The following ERP27 variants were observed in gnomAD, a reference collection of about 807,000 sequenced individuals.
ERP27 encodes the protein endoplasmic reticulum resident protein 27.
A neutral mutation model predicts 27.7 loss-of-function variants in ERP27; 23 were observed. The observed-to-expected ratio is 0.83, with a 90% CI of 0.60 to 1.18. The LOEUF (loss-of-function observed/expected upper bound fraction) is 1.18, where lower values mean the gene tolerates loss of function less well. Among genes scored for constraint, ERP27 ranks in the 50% most tolerant of loss-of-function variants. The pLI, the probability that ERP27 is intolerant of heterozygous loss-of-function variation, is 0.00. For missense variants in ERP27, 363 were observed against 327.9 expected, an observed-to-expected ratio of 1.11 and a Z score of -0.83; for synonymous variants, 159 against 118.3, an observed-to-expected ratio of 1.34 and a Z score of -2.23.
chr12:14,914,376 AG>A lies in ERP27; in HGVS notation c.*358del. On this transcript the variant is annotated 3_prime_UTR_variant, in exon 7 of 7. Coordinates refer to ENST00000266397, the MANE Select transcript of ERP27 (RefSeq NM_152321.4). ...TGACAAATTGGAACAATCTTTCTCT[AG>A]GAATGCCTCTCTTTCATAGAGGCAT... 3 of 231,920 alleles carry A rather than the reference AG, an allele frequency of 1.3e-5. No homozygotes were observed. The highest frequency in any genetic ancestry group is 2.5e-5 in the Non-Finnish European group (3 of 119,446). 14.4% of individuals were successfully genotyped at this position (231,920 alleles called of 1,614,324 possible).
intron 3 of ERP27, 28 bp from the exon 4 acceptor site, chr12:14,921,076 A>G (rs1274982166): frequency 1.3e-6 from 2 of 1,569,780 alleles, no homozygotes; most frequent in African/African-American, 2.7e-5. Context: ...GAATGAAGTC[A>G]CTATTCCATC....
chr12:14,925,625 A>AT (rs1472282098), intron 3 of ERP27, among the ~76,000 whole-genome samples: 4 of 152,012 alleles, frequency 2.6e-5, no homozygotes, highest in Admixed American at 2.6e-4. Context: ...TTATTTTTAT[A>AT]TTTTATTTGT....
chr12:14,936,454 C>A (rs1228554475), intron 2 of ERP27, among the ~76,000 whole-genome samples: 1 of 152,172 alleles, frequency 6.6e-6, no homozygotes, highest in African/African-American at 2.4e-5. Flanking sequence ...TTATCCATAG[C>A]AGCTCCAGGA....
chr12:14,934,934 C>T lies in ERP27; in HGVS notation c.255G>A (p.Val85=). The T allele has an allele frequency of 6.2e-7, 1 of 1,614,142 alleles. No individual in the cohort carries two copies. The highest frequency in any genetic ancestry group is 1.1e-5 in the South Asian group (1 of 91,084). ...LHSMVQKFPG[V]SFGISTDSEV... The stretch of plus-strand genomic sequence containing the variant: ...CAGAATCAGTGCTGATCCCAAATGA[C>T]ACGCCTGGGAATTTTTGCACCATGC... The change falls in exon 3 of 7, where the codon GTG becomes GTA. Residue 85 remains valine, a synonymous_variant. Coordinates refer to ENST00000266397, the MANE Select transcript of ERP27 (RefSeq NM_152321.4).
intron 3 of ERP27, among the ~76,000 whole-genome samples, chr12:14,921,566 A>T (rs990891265): frequency 6.6e-6 from 1 of 152,214 alleles, no homozygotes; most frequent in African/African-American, 2.4e-5. Context: ...ATCTGAGGGC[A>T]AGGGGGGTCA....
At position 14,929,130 on chromosome 12, in the gene ERP27, A is replaced by G. The variant is rs1301141354; in HGVS notation, c.333+5726T>C. ...CCTCAGCTCACATCGCTGTGCATGGATCAAGAATCCCCCCCTCCCTGTACT... is the reference window on the plus strand; with the variant it reads ...CCTCAGCTCACATCGCTGTGCATGGGTCAAGAATCCCCCCCTCCCTGTACT... On this transcript the variant is annotated intron_variant, in intron 3 of 6. Coordinates refer to ENST00000266397, the MANE Select transcript of ERP27 (RefSeq NM_152321.4). The G allele has an allele frequency of 3.4e-6, 5 of 1,459,648 alleles. No homozygotes were observed. In the East Asian group the frequency reaches 1.2e-4, roughly 36 times the overall value. The allele number at this position is 1,459,648 out of a possible 1,614,324, so 90.4% of individuals were successfully genotyped here.
intron 3 of ERP27, among the ~76,000 whole-genome samples, chr12:14,921,729 A>G (rs1031004669): frequency 7.2e-5 from 11 of 152,342 alleles, no homozygotes; most frequent in African/African-American, 2.6e-4. Flanking sequence ...CCAAGTCAAG[A>G]AATAGAATAT....
rs760186558 is a variant in ERP27, at chr12:14,937,999, T to C, written c.148A>G (p.Met50Val). ...ACCTCAGTGGCAGCAATGAATTCCA[T>C]GGCAGCTGGGACATCTGTGAGCCAC... ...PTWLTDVPAA[M>V]EFIAATEVAV... Residue 50 changes from methionine (M) to valine (V), a missense_variant, in exon 2 of 7, where the codon ATG becomes GTG. By Grantham distance (21) the Met-to-Val change is conservative. Transcript: ENST00000266397. The C allele has an allele frequency of 1.2e-6, 2 of 1,614,068 alleles. No individual in the cohort carries two copies. Among genetic ancestry groups the C allele is most frequent in the South Asian group, 2.2e-5 (2 of 91,080 alleles).
Position 14,937,063 on chromosome 12 carries a change from T to A in ERP27, c.195+889A>T, listed in dbSNP as rs533639277. ...GGCATCTGGCGGCTGTTTAAGTTAT[T>A]GCACACTCCTCCAATTCCATGCTCT... On this transcript the variant is annotated intron_variant, in intron 2 of 6. Coordinates refer to ENST00000266397, the MANE Select transcript of ERP27 (RefSeq NM_152321.4). Among the ~76,000 whole-genome samples, 20 of 152,288 alleles carry A rather than the reference T, an allele frequency of 1.3e-4. No homozygotes were observed. The East Asian group carries it at 3.9e-3, about 29-fold the overall frequency.
At chr12:14,929,105 C>T (rs762110662) in intron 3 of ERP27, 19 of 1,509,336 alleles carry the variant, frequency 1.3e-5, no homozygotes, top group Non-Finnish European at 1.6e-5. Flanking sequence ...GGTGCCTGCA[C>T]CTCAGCTCAC....
At chr12:14,916,928 C>T (rs1480936461) in intron 5 of ERP27, among the ~76,000 whole-genome samples, 5 of 152,150 alleles carry the variant, frequency 3.3e-5, no homozygotes, top group Non-Finnish European at 1.5e-5. Context: ...TCTATTTTCT[C>T]TCTACTAATC....
Position 14,938,398 on chromosome 12 carries a change from C to T in ERP27, c.94+17G>A, listed in dbSNP as rs756640895. On this transcript the variant is annotated intron_variant, in intron 1 of 6. Transcript: ENST00000266397. ...ACACTTTCACACTATAGCCACCCAA[C>T]TACATTTTTCTTTTACCTGAGGATT... The T allele has an allele frequency of 1.2e-6, 2 of 1,613,384 alleles. No homozygotes were observed. Among genetic ancestry groups the T allele is most frequent in the African/African-American group, 1.3e-5 (1 of 74,910 alleles).
At chr12:14,926,626 A>T (rs1863606819) in intron 3 of ERP27, among the ~76,000 whole-genome samples, 1 of 152,156 alleles carries the variant, frequency 6.6e-6, no homozygotes, top group Non-Finnish European at 1.5e-5. Context: ...AATACATTAT[A>T]CAACATGCAT....
rs758134274 is a variant in ERP27, at chr12:14,934,861, G to C, written c.328C>G (p.Arg110Gly). The C allele has an allele frequency of 8.0e-5, 129 of 1,613,804 alleles. No individual in the cohort carries two copies. Among genetic ancestry groups the C allele is most frequent in the Non-Finnish European group, 1.1e-4 (125 of 1,179,852 alleles). The change falls in exon 3 of 7, where the codon CGC becomes GGC. Residue 110 changes from arginine to glycine, a missense_variant. By Grantham distance (125) the Arg-to-Gly change is moderately radical (BLOSUM62 -2). Transcript: ENST00000266397. The stretch of plus-strand genomic sequence containing the variant: ...AAGCTACCCACCCAACTTACCAGGC[G>C]AAAGAGGCAGATGGTGTTCCCAGTG... ...NITGNTICLFRLVDNEQLNLE... is the reference protein window; with the variant it reads ...NITGNTICLFGLVDNEQLNLE...
chr12:14,917,126 C>T (rs1490748437), intron 5 of ERP27, 52 bp downstream of exon 5: 2 of 1,603,024 alleles, frequency 1.2e-6, no homozygotes, highest in East Asian at 2.2e-5. Flanking sequence ...TCTCCCTTTT[C>T]CTAGTGTCCT....
chr12:14,932,006 C>T (rs1863704783), intron 3 of ERP27, among the ~76,000 whole-genome samples: 2 of 152,104 alleles, frequency 1.3e-5, no homozygotes, highest in Admixed American at 1.3e-4. Context: ...AGAATGCAAA[C>T]CAGCAACCAC....
At chr12:14,934,552 T>G (rs1863746653) in intron 3 of ERP27, among the ~76,000 whole-genome samples, 1 of 152,224 alleles carries the variant, frequency 6.6e-6, no homozygotes, top group Non-Finnish European at 1.5e-5. Context: ...CTAACTCTTT[T>G]ATTTTATAAA....
rs766528778 is a variant in ERP27 at position 14,915,540 on chromosome 12, G to A, written c.723C>T (p.Ser241=). The A allele has an allele frequency of 1.1e-5, 18 of 1,614,186 alleles. No individual in the cohort carries two copies. Among genetic ancestry groups the A allele is most frequent in the East Asian group, 2.2e-5 (1 of 44,888 alleles). Residue 241 remains serine (S), a synonymous_variant, in exon 6 of 7, where the codon TCC becomes TCT. Coordinates refer to ENST00000266397, the MANE Select transcript of ERP27 (RefSeq NM_152321.4). ...CACAAAAGTTTTGCACATGCTCTAC[G>A]GAAACTTCTGCTGTGGGCAGTGTAT... ...EWDTLPTAEV[S]VEHVQNFCDG...
At chr12:14,925,884 A>G (rs546559980) in intron 3 of ERP27, among the ~76,000 whole-genome samples, 2 of 152,252 alleles carry the variant, frequency 1.3e-5, no homozygotes, top group South Asian at 2.1e-4. Context: ...CCTGGCCAAC[A>G]TGATGAAAGC....
Sources: gnomAD v4.1 joint callset for allele counts (sites outside exome capture counted in the v4.1 genomes callset) on GRCh38, gnomAD v4.1.1 for gene constraint, MANE v1.5 for transcripts, NCBI Gene and HGNC (gene_info 2026-07-23, HGNC 2026-07-21) for gene names.